Variants in CFAP61 observed in about 807,000 individuals in gnomAD.
The protein encoded by CFAP61 is cilia and flagella associated protein 61, also known as cilia- and flagella-associated protein 61.
Under a neutral mutation model 135.6 loss-of-function variants are expected in CFAP61, and 107 were observed. The ratio of observed to expected loss-of-function variants is 0.79; its 90% CI spans 0.67 to 0.93. CFAP61 has a LOEUF of 0.93. Among genes scored for constraint, CFAP61 ranks in the 40% least tolerant of loss-of-function variants. The pLI, the probability that CFAP61 is intolerant of heterozygous loss-of-function variation, is 0.00. For synonymous variants in CFAP61, 575 were observed against 578.5 expected (o/e 0.99, Z 0.09); for missense variants, 1,507 against 1,556.2 (o/e 0.97, Z 0.53).
chr20:20,133,245 A>G (rs1192593789), intron 8 of CFAP61, among the ~76,000 whole-genome samples: 2 of 152,258 alleles, frequency 1.3e-5, no homozygotes, highest in African/African-American at 2.4e-5. Flanking sequence ...GCATACCACA[A>G]TAAGCATGTA....
In CFAP61 at chr20:20,080,208, G is replaced by A. The variant is rs561487274; in HGVS notation, c.566+4593G>A. Among the ~76,000 whole-genome samples the A allele has an allele frequency of 3.3e-5, 5 of 152,166 alleles. No homozygotes were observed. The South Asian group carries it at 1.0e-3, about 32-fold the overall frequency. ...TGTGTATGTAACTATACACACACAA[G>A]TATAGTGGCATACATGCACTCTCTC... On this transcript the variant is annotated intron_variant, in intron 6 of 26. Transcript: ENST00000245957.
At chr20:20,171,374 T>C (rs1457285104) in intron 13 of CFAP61, among the ~76,000 whole-genome samples, 1 of 152,166 alleles carries the variant, frequency 6.6e-6, no homozygotes, top group East Asian at 1.9e-4. Flanking sequence ...CTCCATTCCA[T>C]AGAGCAAGGG....
chr20:20,132,289 G>GTA (rs897090983), intron 8 of CFAP61, among the ~76,000 whole-genome samples: 28 of 151,002 alleles, frequency 1.9e-4, no homozygotes, highest in South Asian at 4.2e-4. Context: ...ATAGTCTGTT[G>GTA]TATATATATA....
At chr20:20,251,231 A>G (rs2050865373) in intron 19 of CFAP61, among the ~76,000 whole-genome samples, 1 of 152,172 alleles carries the variant, frequency 6.6e-6, no homozygotes, top group African/African-American at 2.4e-5. Context: ...GCTGTGGTCA[A>G]TACACCAATT....
intron 10 of CFAP61, 40 bp from the exon 11 acceptor site, chr20:20,164,010 G>C: frequency 6.5e-7 from 1 of 1,541,174 alleles, no homozygotes; most frequent in Non-Finnish European, 8.8e-7. Flanking sequence ...ACAGGGCATT[G>C]ACAGGATTCT....
intron 8 of CFAP61, among the ~76,000 whole-genome samples, chr20:20,100,528 G>T (rs564802199): frequency 1.4e-4 from 22 of 152,146 alleles, no homozygotes; most frequent in Admixed American, 9.8e-4. Context: ...GATAAAAATA[G>T]TATCTAACCC....
intron 8 of CFAP61, among the ~76,000 whole-genome samples, chr20:20,132,304 C>G (rs1415941317): frequency 6.6e-6 from 1 of 151,828 alleles, no homozygotes; most frequent in Non-Finnish European, 1.5e-5. Context: ...TATATATATG[C>G]CACATTTTCT....
intron 26 of CFAP61, among the ~76,000 whole-genome samples, chr20:20,343,146 C>T (rs1018417054): frequency 1.3e-5 from 2 of 152,184 alleles, no homozygotes; most frequent in Non-Finnish European, 2.9e-5. Context: ...CGTGAGCCAT[C>T]GCGCCCGACC....
intron 26 of CFAP61, among the ~76,000 whole-genome samples, chr20:20,358,027 G>A (rs2059317489): frequency 7.5e-6 from 1 of 132,692 alleles, no homozygotes; most frequent in Non-Finnish European, 1.6e-5. Flanking sequence ...AGGGGAGGTG[G>A]TCACACTGAG....
Position 20,175,010 on chromosome 20 carries a change from A to G in CFAP61, c.1385+5550A>G, listed in dbSNP as rs544666820. On this transcript the variant is annotated intron_variant, in intron 13 of 26. Coordinates refer to ENST00000245957, the MANE Select transcript of CFAP61 (RefSeq NM_015585.4). The stretch of plus-strand genomic sequence containing the variant: ...AGTCCCCTGCACCTGCAAGTCAGCC[A>G]GGGGTGCAAGAGGAGTCCAGGTGCA... Among the ~76,000 whole-genome samples the G allele has an allele frequency of 7.9e-5, 12 of 152,316 alleles. No homozygotes were observed. The East Asian group carries it at 2.3e-3, about 29-fold the overall frequency.
chr20:20,358,864 T>C (rs1268399374), intron 26 of CFAP61, among the ~76,000 whole-genome samples: 1 of 152,214 alleles, frequency 6.6e-6, no homozygotes, highest in Admixed American at 6.5e-5. Context: ...CTATTCAAAA[T>C]AGAAGGAATT....
chr20:20,234,440 G>A (rs2049414573), intron 18 of CFAP61, among the ~76,000 whole-genome samples: 1 of 152,174 alleles, frequency 6.6e-6, no homozygotes, highest in Non-Finnish European at 1.5e-5. Context: ...AGACGATGAT[G>A]GAGAAGAAGC....
At chr20:20,165,305 A>G (rs929130854) in intron 11 of CFAP61, among the ~76,000 whole-genome samples, 7 of 152,196 alleles carry the variant, frequency 4.6e-5, no homozygotes, top group Admixed American at 6.5e-5. Context: ...TGACAAGCCC[A>G]TGCCACAAGG....
intron 21 of CFAP61, among the ~76,000 whole-genome samples, chr20:20,266,926 G>C (rs2052793465): frequency 6.6e-6 from 1 of 152,214 alleles, no homozygotes. Context: ...CATAGAAAGA[G>C]TTTCATAGAG....
chr20:20,195,151 C>T (rs1053468385), intron 15 of CFAP61, among the ~76,000 whole-genome samples: 4 of 152,130 alleles, frequency 2.6e-5, no homozygotes, highest in Non-Finnish European at 5.9e-5. Flanking sequence ...GCCACTGGCC[C>T]GGTTACCCTG....
At chr20:20,310,068 C>T (rs535613742) in intron 25 of CFAP61, among the ~76,000 whole-genome samples, 2 of 152,266 alleles carry the variant, frequency 1.3e-5, no homozygotes, top group South Asian at 4.1e-4. Context: ...AATCTCAGCT[C>T]ACTGCAACCT....
intron 8 of CFAP61, among the ~76,000 whole-genome samples, chr20:20,130,377 G>A (rs2050420591): frequency 6.6e-6 from 1 of 151,702 alleles, no homozygotes; most frequent in Non-Finnish European, 1.5e-5. Flanking sequence ...GTCTTATTAG[G>A]GTCAGTCACT....
chr20:20,209,799 G>C (rs935125801), intron 17 of CFAP61, among the ~76,000 whole-genome samples: 4 of 152,170 alleles, frequency 2.6e-5, no homozygotes, highest in Non-Finnish European at 5.9e-5. Context: ...TCATGGCATC[G>C]TGGCAGGCGG....
At chr20:20,307,779 G>A (rs1435721912) in intron 25 of CFAP61, among the ~76,000 whole-genome samples, 1 of 152,054 alleles carries the variant, frequency 6.6e-6, no homozygotes, top group African/African-American at 2.4e-5. Flanking sequence ...TGAGAAATCT[G>A]GTGCTTTACT....
Sources: gnomAD v4.1 joint callset for allele counts (sites outside exome capture counted in the v4.1 genomes callset) on GRCh38, gnomAD v4.1.1 for gene constraint, MANE v1.5 for transcripts, NCBI Gene and HGNC (gene_info 2026-07-23, HGNC 2026-07-21) for gene names.